TMEM44: variants seen among roughly 807,000 people sequenced by gnomAD.
TMEM44 encodes the protein transmembrane protein 44.
A neutral mutation model predicts 47.8 loss-of-function variants in TMEM44; 43 were observed. The ratio of observed to expected loss-of-function variants is 0.90; its 90% CI spans 0.70 to 1.16. TMEM44 has a LOEUF of 1.16. Ranked by LOEUF, TMEM44 falls within the 50% of genes most tolerant of loss-of-function variation. The pLI is 0.00. For synonymous variants in TMEM44, 277 were observed against 238.8 expected (o/e 1.16, Z -1.48); for missense variants, 568 against 555.2 (o/e 1.02, Z -0.23).
chr3:194,590,737 G>A (rs1367950989), intron 9 of TMEM44, among the ~76,000 whole-genome samples: 1 of 152,142 alleles, frequency 6.6e-6, no homozygotes, highest in Non-Finnish European at 1.5e-5. Context: ...GAGACCTAAG[G>A]TTTGGCATTT....
rs1159139950 is a variant in TMEM44 at position 194,633,101 on chromosome 3, A to AGGAGGAGGCGCAGATCCACAGGCC, written c.91_114dup (p.Gly31_Ser38dup). On this transcript the variant is annotated inframe_insertion, in exon 1 of 10. Coordinates refer to ENST00000347147, the MANE Select transcript of TMEM44 (RefSeq NM_001011655.3). ...TACAGCGCGTGGGCGGCGATCCAGC[A>AGGAGGAGGCGCAGATCCACAGGCC]GGAGGAGGCGCAGATCCACAGGCCG... 1.3e-6 allele frequency: 2 copies of AGGAGGAGGCGCAGATCCACAGGCC among 1,549,610 alleles called. No individual in the cohort carries two copies. The highest frequency in any genetic ancestry group is 1.7e-6 in the Non-Finnish European group (2 of 1,147,176).
chr3:194,614,483 C>A (rs534147137), intron 7 of TMEM44, among the ~76,000 whole-genome samples: 86 of 152,334 alleles, frequency 5.6e-4, no homozygotes, highest in African/African-American at 2.0e-3. Context: ...TGGCTCACTG[C>A]AACCTCTGCC....
chr3:194,618,500 T>C (rs1716184738), intron 5 of TMEM44, among the ~76,000 whole-genome samples: 1 of 148,536 alleles, frequency 6.7e-6, no homozygotes, highest in Non-Finnish European at 1.5e-5. Context: ...GATGAGTTCA[T>C]ATATATACAA....
At position 194,623,649 on chromosome 3, in the gene TMEM44, A is replaced by C. The variant is rs1034284985; in HGVS notation, c.405T>G (p.Ser135Arg). The change falls in exon 4 of 10, where the codon AGT becomes AGG. Residue 135 changes from serine to arginine, a missense_variant. Physicochemically the swap from Ser to Arg is moderately radical, Grantham distance 110. Transcript: ENST00000347147. Reference protein sequence around the residue: ...ERKRRRQLRASVFALALPLSL... With the variant: ...ERKRRRQLRARVFALALPLSL... ...TCAGCGGCAGGGCCAGGGCAAACAC[A>C]CTGGCCCTGAGCTGCCGCCTCCTCT... 10 of 1,612,936 alleles carry C rather than the reference A, an allele frequency of 6.2e-6. No homozygotes were observed. The highest frequency in any genetic ancestry group is 5.3e-5 in the African/African-American group (4 of 74,976).
intron 9 of TMEM44, among the ~76,000 whole-genome samples, chr3:194,601,512 C>T (rs1470673228): frequency 3.3e-5 from 5 of 152,088 alleles, no homozygotes; most frequent in African/African-American, 1.2e-4. Context: ...CCATGTTGGT[C>T]AGGCTGGTCT....
At chr3:194,621,429 C>G (rs2108595612) in intron 5 of TMEM44, among the ~76,000 whole-genome samples, 1 of 152,266 alleles carries the variant, frequency 6.6e-6, no homozygotes, top group East Asian at 1.9e-4. Flanking sequence ...GGTCAGGGCA[C>G]GGTGCCAGCT....
Position 194,609,470 on chromosome 3 carries a change from G to A in TMEM44, c.1017+1446C>T, listed in dbSNP as rs540313637. On this transcript the variant is annotated intron_variant, in intron 8 of 9. Coordinates refer to ENST00000347147, the MANE Select transcript of TMEM44 (RefSeq NM_001011655.3). ...AGAAGAGTGGGGGCCACAGACGCCA[G>A]GAGCAGCTGGTGGCCGAGTGCGTGG... 3.3e-5 allele frequency among the ~76,000 whole-genome samples: 5 copies of A among 152,308 alleles called. No individual in the cohort carries two copies. In the East Asian group the frequency reaches 7.7e-4, roughly 24 times the overall value.
rs185520743 is a variant in TMEM44, at chr3:194,614,864, A to G, written c.912+705T>C. Among the ~76,000 whole-genome samples the G allele has an allele frequency of 5.8e-4, 89 of 152,346 alleles. 1 individual carries two copies. Among genetic ancestry groups the G allele is most frequent in the African/African-American group, 2.1e-3 (87 of 41,584 alleles). On this transcript the variant is annotated intron_variant, in intron 7 of 9. Transcript: ENST00000347147. ...TTAAGTGACCAAAAAACTTCAAAAC[A>G]TTTGTATAATTGCGAAACCGGAGGA...
At position 194,588,612 on chromosome 3, in the gene TMEM44, C is replaced by T. The variant is rs1161044380; in HGVS notation, c.1204G>A (p.Gly402Ser). The change falls in exon 10 of 10, where the codon GGC becomes AGC. Residue 402 changes from glycine to serine, a missense_variant. By Grantham distance (56) the Gly-to-Ser change is moderately conservative. Coordinates refer to ENST00000347147, the MANE Select transcript of TMEM44 (RefSeq NM_001011655.3). The part of the protein sequence containing the change: ...EWDPEDVNLE[G>S]SKENVELLGS... ...AGTAGCTCCACATTTTCTTTGCTGC[C>T]TTCGAGGTTCACATCTTCAGGGTCC... 3 of 1,614,172 alleles carry T rather than the reference C, an allele frequency of 1.9e-6. No homozygotes were observed. Among genetic ancestry groups the T allele is most frequent in the Non-Finnish European group, 1.7e-6 (2 of 1,180,050 alleles).
chr3:194,626,878 G>C (rs562224882), intron 2 of TMEM44, among the ~76,000 whole-genome samples: 1 of 150,854 alleles, frequency 6.6e-6, no homozygotes, highest in African/African-American at 2.4e-5. Flanking sequence ...AGTAGAGACA[G>C]GGTAGTTTTT....
intron 5 of TMEM44, among the ~76,000 whole-genome samples, chr3:194,619,001 A>G (rs1053464778): frequency 5.3e-5 from 8 of 152,122 alleles, no homozygotes; most frequent in African/African-American, 1.4e-4. Flanking sequence ...GGCCCTTCCT[A>G]TCTCACACAG....
chr3:194,592,986 G>C, intron 9 of TMEM44: 2 of 1,601,952 alleles, frequency 1.2e-6, no homozygotes, highest in Non-Finnish European at 1.7e-6. Context: ...AACAGGAACT[G>C]AAATCAAGCC....
At chr3:194,600,338 G>A (rs966157227) in intron 9 of TMEM44, among the ~76,000 whole-genome samples, 7 of 151,820 alleles carry the variant, frequency 4.6e-5, no homozygotes, top group African/African-American at 7.2e-5. Context: ...GTCCAGGCTG[G>A]TCTTGAACTC....
intron 9 of TMEM44, chr3:194,589,754 A>G (rs1386261320): frequency 6.6e-6 from 1 of 152,090 alleles, no homozygotes; most frequent in South Asian, 2.1e-4. Flanking sequence ...GCCCAAGGGG[A>G]TCCTTGGTGT....
At chr3:194,620,938 A>G (rs1716466914) in intron 5 of TMEM44, among the ~76,000 whole-genome samples, 1 of 151,910 alleles carries the variant, frequency 6.6e-6, no homozygotes, top group Non-Finnish European at 1.5e-5. Context: ...GAGGCACAGA[A>G]TCACTGGAAC....
chr3:194,601,794 A>G (rs1714162398), intron 9 of TMEM44, among the ~76,000 whole-genome samples: 1 of 152,208 alleles, frequency 6.6e-6, no homozygotes, highest in East Asian at 1.9e-4. Flanking sequence ...AAAGAGAGAG[A>G]TAAGAGTAGA....
At chr3:194,617,299 G>GGGGGGGGGGGT in intron 5 of TMEM44, 30 bp from the exon 6 acceptor site, 1 of 619,744 alleles carries the variant, frequency 1.6e-6, no homozygotes, top group Non-Finnish European at 2.7e-6. Flanking sequence ...GGCTGGGCGG[G>GGGGGGGGGGGT]AGAAGCAGCA....
At chr3:194,632,294 C>T (rs1717906594) in intron 1 of TMEM44, among the ~76,000 whole-genome samples, 1 of 152,218 alleles carries the variant, frequency 6.6e-6, no homozygotes, top group African/African-American at 2.4e-5. Context: ...TACGACCAAA[C>T]GCCTTAGGAG....
intron 5 of TMEM44, among the ~76,000 whole-genome samples, chr3:194,621,715 G>A (rs1351353303): frequency 7.9e-6 from 1 of 127,000 alleles, no homozygotes; most frequent in African/African-American, 3.2e-5. Flanking sequence ...TCCTGGGCAA[G>A]TAATTTTTTT....
Sources: allele counts gnomAD v4.1 joint callset (sites outside exome capture counted in the v4.1 genomes callset), GRCh38; gene constraint gnomAD v4.1.1; transcripts MANE v1.5; gene names NCBI Gene and HGNC (gene_info 2026-07-23, HGNC 2026-07-21).